The following PDE12 variants were observed in gnomAD, a reference collection of about 807,000 sequenced individuals.
The protein encoded by PDE12 is 2',5'-phosphodiesterase 12.
Under a neutral mutation model 45.4 loss-of-function variants are expected in PDE12, and 26 were observed. That is an observed-to-expected ratio of 0.57 (90% CI 0.42 to 0.79). The LOEUF (loss-of-function observed/expected upper bound fraction) is 0.79. Ranked by LOEUF, PDE12 falls within the 30% of genes least tolerant of loss-of-function variation. The pLI is 0.00. For missense variants in PDE12, 668 were observed against 790.0 expected, an observed-to-expected ratio of 0.85 and a Z score of 1.85; for synonymous variants, 283 against 323.9, an observed-to-expected ratio of 0.87 and a Z score of 1.36.
In PDE12 at chr3:57,561,147, T is replaced by C; in HGVS notation, c.*1143T>C. 2 of 985,290 alleles carry C rather than the reference T, an allele frequency of 2.0e-6. No homozygotes were observed. Among genetic ancestry groups the C allele is most frequent in the Non-Finnish European group, 2.4e-6 (2 of 829,398 alleles). 61.0% of individuals were successfully genotyped at this position (985,290 alleles called of 1,614,324 possible). On this transcript the variant is annotated 3_prime_UTR_variant, in exon 3 of 3. Coordinates refer to ENST00000311180, the MANE Select transcript of PDE12 (RefSeq NM_177966.7). ...TTGATCCCATTGTCTTCAGTTACTC[T>C]TGCCCATGAAAAATGTTCATAAATG...
the PDE12 span, among the ~76,000 whole-genome samples, chr3:57,649,337 C>T: frequency 6.6e-6 from 1 of 151,884 alleles, no homozygotes; most frequent in East Asian, 1.9e-4. Flanking sequence ...TAGCCATAAT[C>T]AAAAAATCAA....
the PDE12 span, among the ~76,000 whole-genome samples, chr3:57,573,835 G>A: frequency 2.0e-5 from 3 of 152,140 alleles, no homozygotes; most frequent in Admixed American, 1.3e-4. Flanking sequence ...GCCCACCTTC[G>A]CCTCCCAAAG....
the PDE12 span, among the ~76,000 whole-genome samples, chr3:57,644,936 C>T: frequency 1.3e-5 from 2 of 151,746 alleles, no homozygotes; most frequent in African/African-American, 4.8e-5. Context: ...GAAGTCAATC[C>T]GCAGTTGACT....
In PDE12 at chr3:57,561,154, T is replaced by C. The variant is rs534135037; in HGVS notation, c.*1150T>C. 4 of 985,016 alleles carry C rather than the reference T, an allele frequency of 4.1e-6. No homozygotes were observed. In the African/African-American group the frequency reaches 7.0e-5, roughly 17 times the overall value. The allele number at this position is 985,016 out of a possible 1,614,324, so 61.0% of individuals were successfully genotyped here. On this transcript the variant is annotated 3_prime_UTR_variant, in exon 3 of 3. Coordinates refer to ENST00000311180, the MANE Select transcript of PDE12 (RefSeq NM_177966.7). ...CATTGTCTTCAGTTACTCTTGCCCA[T>C]GAAAAATGTTCATAAATGAACAGGG... is the stretch of plus-strand genomic sequence containing the variant.
the PDE12 span, among the ~76,000 whole-genome samples, chr3:57,615,529 G>T: frequency 7.2e-5 from 11 of 152,116 alleles, no homozygotes; most frequent in African/African-American, 2.7e-4. Context: ...GAAATTGAAA[G>T]AAAAATATAG....
chr3:57,614,549 T>G, the PDE12 span, among the ~76,000 whole-genome samples: 49 of 98,232 alleles, frequency 5.0e-4, no homozygotes, highest in African/African-American at 1.3e-3. Context: ...TTTTTGTTTT[T>G]TTTTTTTTTT....
chr3:57,627,142 TTTAA>T, the PDE12 span: 2 of 152,160 alleles, frequency 1.3e-5, no homozygotes, highest in South Asian at 2.1e-4. Flanking sequence ...TTAGTATTTA[TTTAA>T]TTTTTTATTT....
At chr3:57,575,465 T>A in the PDE12 span, 2 of 1,360,064 alleles carry the variant, frequency 1.5e-6, no homozygotes, top group Non-Finnish European at 2.0e-6. Context: ...AGATAATAAA[T>A]GTTTAAACTG....
rs765132789 is a variant in PDE12 at position 57,556,653 on chromosome 3, G to A, written c.274G>A (p.Ala92Thr). The change falls in exon 1 of 3, where the codon GCC becomes ACC. Residue 92 changes from alanine (A) to threonine (T), a missense_variant. By Grantham distance (58) the Ala-to-Thr change is moderately conservative (BLOSUM62 0). Transcript: ENST00000311180. This position sits in a 1 kb window ranked among gnomAD's most constrained non-coding sequence, Gnocchi z 5.0. ...ALKGHAKAAA[A>T]KKSRKSRPNA... is the part of the protein sequence containing the mutation. Reference sequence around the variant, plus strand: ...AAAGGGTCACGCTAAGGCGGCCGCCGCCAAGAAGAGCAGGAAGAGCCGGCC... The same window carrying A: ...AAAGGGTCACGCTAAGGCGGCCGCCACCAAGAAGAGCAGGAAGAGCCGGCC... 2.5e-6 allele frequency: 4 copies of A among 1,600,042 alleles called. No individual in the cohort carries two copies. Among genetic ancestry groups the A allele is most frequent in the Non-Finnish European group, 3.4e-6 (4 of 1,170,164 alleles).
chr3:57,557,034 T>C lies in PDE12; in HGVS notation c.655T>C (p.Ser219Pro). 2 of 1,614,018 alleles carry C rather than the reference T, an allele frequency of 1.2e-6. No individual in the cohort carries two copies. The highest frequency in any genetic ancestry group is 1.1e-5 in the South Asian group (1 of 91,080). The change falls in exon 1 of 3, where the codon TCC becomes CCC. Residue 219 changes from serine to proline, a missense_variant. Around this residue, in one of 3 missense-constraint regions of PDE12, gnomAD observed 580 missense variants for 662.9 expected, o/e 0.87. Transcript: ENST00000311180. ...CGGTGTCCCCTCGTCATTGTCTCCC[T>C]CCTCACCTTCTTCTTCTTGGACTGA... ...EVGVPSSLSP[S>P]SPSSSWTETD...
At chr3:57,608,671 T>A in the PDE12 span, among the ~76,000 whole-genome samples, 3 of 151,980 alleles carry the variant, frequency 2.0e-5, no homozygotes, top group Admixed American at 6.6e-5. Context: ...AGGGATCAAT[T>A]CAACAAGAAG....
At chr3:57,654,348 C>A in the PDE12 span, among the ~76,000 whole-genome samples, 1 of 152,114 alleles carries the variant, frequency 6.6e-6, no homozygotes, top group Non-Finnish European at 1.5e-5. Context: ...CAAAGGAAAT[C>A]AACATGTGTC....
chr3:57,618,063 A>T, the PDE12 span, among the ~76,000 whole-genome samples: 1 of 152,168 alleles, frequency 6.6e-6, no homozygotes, highest in African/African-American at 2.4e-5. Context: ...GTTCTAACCT[A>T]TAAGTGGGAA....
the PDE12 span, among the ~76,000 whole-genome samples, chr3:57,647,185 G>C: frequency 6.6e-6 from 1 of 152,042 alleles, no homozygotes; most frequent in Non-Finnish European, 1.5e-5. Flanking sequence ...AAAAAGAAAA[G>C]AAAAATCAAA....
At chr3:57,621,346 A>G in the PDE12 span, among the ~76,000 whole-genome samples, 1 of 152,244 alleles carries the variant, frequency 6.6e-6, no homozygotes, top group Admixed American at 6.5e-5. Context: ...AAATAGTTAT[A>G]AACCTAAATG....
At chr3:57,654,702 AAGGCGTGGTCCATGGAAT>A in the PDE12 span, 1 of 985,060 alleles carries the variant, frequency 1.0e-6, no homozygotes, top group Non-Finnish European at 1.2e-6. Context: ...GCTGAAACCA[AAGGCGTGGTCCATGGAAT>A]AGACCTTGAC....
At chr3:57,570,867 A>G (rs552424789), downstream of PDE12, among the ~76,000 whole-genome samples, 1 of 152,206 alleles carries the variant, frequency 6.6e-6, no homozygotes, top group South Asian at 2.1e-4. Context: ...TGTTTAATTA[A>G]CCTTAACTAA....
chr3:57,637,630 G>A, the PDE12 span, among the ~76,000 whole-genome samples: 3 of 151,538 alleles, frequency 2.0e-5, no homozygotes, highest in African/African-American at 7.3e-5. Context: ...ATTTGCAGTG[G>A]GCCTGGGTGT....
downstream of PDE12, among the ~76,000 whole-genome samples, chr3:57,569,320 T>A (rs910643033): frequency 2.0e-5 from 3 of 152,090 alleles, no homozygotes; most frequent in African/African-American, 7.2e-5. Context: ...AAAAAATAAT[T>A]TTTAGGGGTA....
Sources: allele counts gnomAD v4.1 joint callset (sites outside exome capture counted in the v4.1 genomes callset), GRCh38; gene constraint gnomAD v4.1.1; regional missense constraint gnomAD v4.1.1; non-coding constraint Gnocchi (gnomAD v3.1); transcripts MANE v1.5; gene names NCBI Gene and HGNC (gene_info 2026-07-23, HGNC 2026-07-21).